PXK: variants seen among roughly 807,000 people sequenced by gnomAD.
PXK encodes the protein PX domain containing serine/threonine kinase like.
A neutral mutation model predicts 84.7 loss-of-function variants in PXK; 35 were observed. That is an observed-to-expected ratio of 0.41 (90% CI 0.32 to 0.55). The LOEUF (loss-of-function observed/expected upper bound fraction) is 0.55, where lower values mean the gene tolerates loss of function less well. Among genes scored for constraint, PXK ranks in the 20% least tolerant of loss-of-function variants. PXK has a pLI of 0.21. For missense variants in PXK, 634 were observed against 699.7 expected (o/e 0.91, Z 1.06); for synonymous variants, 253 against 260.8 (o/e 0.97, Z 0.29).
At chr3:58,334,926 A>AGG (rs1197194906) in intron 1 of PXK, among the ~76,000 whole-genome samples, 280 of 116,160 alleles carry the variant, frequency 2.4e-3, no homozygotes, top group African/African-American at 9.6e-3. Context: ...TTTTATTGTA[A>AGG]GGGTGTGTGT....
intron 1 of PXK, among the ~76,000 whole-genome samples, chr3:58,362,461 T>A (rs573283493): frequency 2.0e-5 from 3 of 152,332 alleles, no homozygotes; most frequent in African/African-American, 7.2e-5. Context: ...ATACAACACA[T>A]GAATCTTAGG....
At chr3:58,372,361 C>T (rs1576188768) in intron 3 of PXK, among the ~76,000 whole-genome samples, 1 of 151,866 alleles carries the variant, frequency 6.6e-6, no homozygotes, top group Non-Finnish European at 1.5e-5. Context: ...CTCACTCTGT[C>T]GCCCAGGCTG....
rs1290644060 is a variant in PXK, at chr3:58,349,896, G to T, written c.103-15978G>T. Reference sequence around the variant, plus strand: ...TGGTTGAGAAAGACTGAGCTTAACGGATAGAACCTGCTAGCCCTGCAGCCA... The same window carrying T: ...TGGTTGAGAAAGACTGAGCTTAACGTATAGAACCTGCTAGCCCTGCAGCCA... On this transcript the variant is annotated intron_variant, in intron 1 of 17. Transcript: ENST00000356151. 2.6e-5 allele frequency among the ~76,000 whole-genome samples: 4 copies of T among 152,140 alleles called. No individual in the cohort carries two copies. In the East Asian group the frequency reaches 7.7e-4, roughly 29 times the overall value.
intron 13 of PXK, among the ~76,000 whole-genome samples, chr3:58,408,390 A>G (rs568560890): frequency 1.8e-4 from 27 of 152,324 alleles, no homozygotes; most frequent in African/African-American, 6.3e-4. Context: ...CTTGAAACAT[A>G]TCATGTTTAT....
chr3:58,386,495 C>T (rs1003862876), intron 4 of PXK, among the ~76,000 whole-genome samples: 31 of 151,824 alleles, frequency 2.0e-4, no homozygotes, highest in African/African-American at 7.0e-4. Context: ...TGGGGTTTCA[C>T]GATGTTGGCC....
At chr3:58,405,165 A>G (rs569826955) in intron 13 of PXK, among the ~76,000 whole-genome samples, 2 of 152,336 alleles carry the variant, frequency 1.3e-5, no homozygotes, top group East Asian at 3.9e-4. Flanking sequence ...GATATACAGG[A>G]GACTGGTAAT....
chr3:58,357,321 C>T (rs149179245), intron 1 of PXK, among the ~76,000 whole-genome samples: 1 of 151,970 alleles, frequency 6.6e-6, no homozygotes, highest in African/African-American at 2.4e-5. Context: ...CACACATTAG[C>T]CTGGGCCTAC....
chr3:58,345,721 C>T (rs921363029), intron 1 of PXK, among the ~76,000 whole-genome samples: 1 of 152,196 alleles, frequency 6.6e-6, no homozygotes, highest in African/African-American at 2.4e-5. Flanking sequence ...CCCATGCTTC[C>T]TGTGTGCCCA....
intron 1 of PXK, among the ~76,000 whole-genome samples, chr3:58,353,647 A>T (rs1180642728): frequency 6.6e-6 from 1 of 152,322 alleles, no homozygotes; most frequent in East Asian, 1.9e-4. Flanking sequence ...CTGCAAGCTG[A>T]ATTCTATGAG....
chr3:58,420,443 A>T (rs1576863719), intron 17 of PXK: 1 of 1,444,308 alleles, frequency 6.9e-7, no homozygotes, highest in East Asian at 2.5e-5. Context: ...TCAGACTAAT[A>T]TTTTACTGTC....
At chr3:58,372,710 T>C (rs2098393542) in intron 3 of PXK, among the ~76,000 whole-genome samples, 1 of 151,216 alleles carries the variant, frequency 6.6e-6, no homozygotes. Context: ...CACTGCAATC[T>C]CTGCCTCTTG....
intron 1 of PXK, among the ~76,000 whole-genome samples, chr3:58,357,964 CAAAACAAA>C (rs933779708): frequency 4.8e-4 from 72 of 148,904 alleles, no homozygotes; most frequent in East Asian, 2.3e-3. Context: ...GACTCTGTCT[CAAAACAAA>C]AAAACAAAAA....
chr3:58,344,130 A>G (rs1011748205), intron 1 of PXK, among the ~76,000 whole-genome samples: 9 of 152,254 alleles, frequency 5.9e-5, no homozygotes, highest in African/African-American at 1.7e-4. Flanking sequence ...AAGTGAGGAT[A>G]GAAAGAGTAT....
Position 58,404,455 on chromosome 3 carries a change from G to A in PXK, c.1230+545G>A, listed in dbSNP as rs372769470. ...CCACTAGATGCCAACGATACTCCTT[G>A]CCCCCTCTCCTGCACTGTGACAACC... On this transcript the variant is annotated intron_variant, in intron 13 of 17. Transcript: ENST00000356151. 1.1e-4 allele frequency among the ~76,000 whole-genome samples: 17 copies of A among 152,284 alleles called. No individual in the cohort carries two copies. In the South Asian group the frequency reaches 2.7e-3, roughly 24 times the overall value.
In PXK at chr3:58,332,994, C is replaced by G; in HGVS notation, c.6C>G (p.Ala2=). ...CGGCGGCCGGGCGTCCCGGGATGGCCTTCATGGAGAAGCCGCCAGCCGGCA... is the reference window on the plus strand; with the variant it reads ...CGGCGGCCGGGCGTCCCGGGATGGCGTTCATGGAGAAGCCGCCAGCCGGCA... M[A]FMEKPPAGKV... The change falls in exon 1 of 18, where the codon GCC becomes GCG. Residue 2 remains alanine, a synonymous_variant. Transcript: ENST00000356151. This position sits in a 1 kb window ranked among gnomAD's most constrained non-coding sequence, Gnocchi z 5.6. 7.3e-7 allele frequency: 1 copy of G among 1,367,400 alleles called. No homozygotes were observed. Among genetic ancestry groups the G allele is most frequent in the Non-Finnish European group, 9.5e-7 (1 of 1,047,648 alleles). The allele number at this position is 1,367,400 out of a possible 1,614,324, so 84.7% of individuals were successfully genotyped here. A position where few individuals can be genotyped will look rare whatever the true frequency, so the allele number is the denominator to read the frequency against.
At chr3:58,373,236 G>A (rs2098402474) in intron 3 of PXK, among the ~76,000 whole-genome samples, 1 of 152,008 alleles carries the variant, frequency 6.6e-6, no homozygotes, top group Non-Finnish European at 1.5e-5. Flanking sequence ...CCGCCACCAT[G>A]CCCGGCTAAT....
In PXK at chr3:58,406,187, G is replaced by A. The variant is rs115854443; in HGVS notation, c.1230+2277G>A. 6.1e-3 allele frequency among the ~76,000 whole-genome samples: 923 copies of A among 152,132 alleles called. 5 individuals carry two copies. The highest frequency in any genetic ancestry group is 0.01 in the Non-Finnish European group (703 of 68,000). On this transcript the variant is annotated intron_variant, in intron 13 of 17. Transcript: ENST00000356151. ...TCATTATGTTGGTCAGGCTGGTCTC[G>A]ACCTCAGGTGAACCACTCACCTCGG...
intron 1 of PXK, among the ~76,000 whole-genome samples, chr3:58,348,281 A>G (rs1247358430): frequency 6.6e-6 from 1 of 152,212 alleles, no homozygotes; most frequent in Non-Finnish European, 1.5e-5. Flanking sequence ...CAGGGCCTAC[A>G]GAGTGGTGGA....
Position 58,421,977 on chromosome 3 carries a change from C to T in PXK, c.1529-2775C>T. 1 of 985,360 alleles carries T rather than the reference C, an allele frequency of 1.0e-6. No individual in the cohort carries two copies. Among genetic ancestry groups the T allele is most frequent in the Non-Finnish European group, 1.2e-6 (1 of 829,908 alleles). 61.0% of individuals were successfully genotyped at this position (985,360 alleles called of 1,614,324 possible). A position where few individuals can be genotyped will look rare whatever the true frequency, so the allele number is the denominator to read the frequency against. ...TATTGGAGGTCTCTTGGCAGGAAGG[C>T]CTCATTCACATCTGAGGGGTGGAGA... On this transcript the variant is annotated intron_variant, in intron 17 of 17. Transcript: ENST00000356151. The surrounding 1 kb of genome is among the most constrained non-coding windows in gnomAD (Gnocchi z 5.5).
Sources: allele counts gnomAD v4.1 joint callset (sites outside exome capture counted in the v4.1 genomes callset), GRCh38; gene constraint gnomAD v4.1.1; non-coding constraint Gnocchi (gnomAD v3.1); transcripts MANE v1.5; gene names NCBI Gene and HGNC (gene_info 2026-07-23, HGNC 2026-07-21).